The following ZYG11B variants were observed in gnomAD, a reference collection of about 807,000 sequenced individuals.
ZYG11B encodes protein zyg-11 homolog B.
ZYG11B carries 36 observed loss-of-function variants against 82.4 expected under a neutral mutation model. The observed-to-expected ratio is 0.44, with a 90% CI of 0.33 to 0.58. The LOEUF (loss-of-function observed/expected upper bound fraction) is 0.58. Among genes scored for constraint, ZYG11B ranks in the 20% least tolerant of loss-of-function variants. The pLI is 0.02. For synonymous variants in ZYG11B, 303 were observed against 312.8 expected, an observed-to-expected ratio of 0.97 and a Z score of 0.33; for missense variants, 552 against 895.6, an observed-to-expected ratio of 0.62 and a Z score of 4.90.
intron 1 of ZYG11B, among the ~76,000 whole-genome samples, 156 bp downstream of exon 1, chr1:52,726,839 GCTC>G (rs1366306270): frequency 1.3e-5 from 2 of 151,650 alleles, no homozygotes; most frequent in Non-Finnish European, 2.9e-5. Context: ...TCGGTGTTCA[GCTC>G]CTCCTTCCCC....
intron 8 of ZYG11B, among the ~76,000 whole-genome samples, chr1:52,797,385 C>CATATATATCATATATGAA (rs1238646824): frequency 3.7e-5 from 2 of 54,020 alleles, no homozygotes; most frequent in Non-Finnish European, 6.4e-5. Context: ...ATATATAATA[C>CATATATATCATATATGAA]ATATATATCA....
intron 13 of ZYG11B, among the ~76,000 whole-genome samples, chr1:52,819,161 G>T (rs1374440585): frequency 1.3e-5 from 2 of 152,120 alleles, no homozygotes; most frequent in African/African-American, 2.4e-5. Flanking sequence ...AGATAAAGAA[G>T]AATAATTCAA....
rs1407339133 is a variant in ZYG11B at position 52,796,909 on chromosome 1, TATTATATATTATATATA to T, written c.1485+145_1485+161del. ...TATATATAATATATAATTATATATA[TATTATATATTATATATA>T]ATTATATATTATATATAATGTATAA... On this transcript the variant is annotated intron_variant, in intron 8 of 13. Transcript: ENST00000294353. The T allele has an allele frequency of 5.4e-3, 576 of 106,286 alleles. 9 individuals carry two copies. The Middle Eastern group carries it at 0.065, about 12-fold the overall frequency. 6.6% of individuals were successfully genotyped at this position (106,286 alleles called of 1,614,324 possible).
At chr1:52,760,170 C>T (rs1475169255) in intron 2 of ZYG11B, among the ~76,000 whole-genome samples, 1 of 152,096 alleles carries the variant, frequency 6.6e-6, no homozygotes, top group African/African-American at 2.4e-5. Context: ...CAGCCAAGGG[C>T]AGTGATTCAC....
chr1:52,731,822 A>C (rs1357900788), intron 1 of ZYG11B, among the ~76,000 whole-genome samples: 1 of 152,196 alleles, frequency 6.6e-6, no homozygotes, highest in African/African-American at 2.4e-5. Context: ...TTTATTTTTG[A>C]GACAGGATCT....
At chr1:52,735,176 A>G (rs1277894280) in intron 1 of ZYG11B, among the ~76,000 whole-genome samples, 2 of 151,178 alleles carry the variant, frequency 1.3e-5, no homozygotes, top group Non-Finnish European at 2.9e-5. Context: ...GATTACAGGC[A>G]TGTGCCACCA....
intron 1 of ZYG11B, among the ~76,000 whole-genome samples, chr1:52,728,016 C>T (rs1352961620): frequency 6.6e-6 from 1 of 152,168 alleles, no homozygotes; most frequent in African/African-American, 2.4e-5. Flanking sequence ...CTCACTCCTG[C>T]ATTTTTAGTC....
intron 3 of ZYG11B, among the ~76,000 whole-genome samples, chr1:52,774,644 T>C (rs1258498501): frequency 1.3e-5 from 2 of 148,872 alleles, no homozygotes; most frequent in Non-Finnish European, 3.0e-5. Context: ...TTAGTGTTTT[T>C]GTAAAGATGG....
At chr1:52,803,263 T>C (rs185420799) in intron 10 of ZYG11B, among the ~76,000 whole-genome samples, 10,737 of 79,010 alleles carry the variant, frequency 0.14, 1,635 homozygotes, top group Admixed American at 0.21. Context: ...TATATATATA[T>C]ATACACACAC....
chr1:52,746,712 T>C (rs1175383719), intron 1 of ZYG11B, among the ~76,000 whole-genome samples: 1 of 134,788 alleles, frequency 7.4e-6, no homozygotes, highest in South Asian at 2.3e-4. Flanking sequence ...TTTTTTTTTT[T>C]TTGCGGCTGG....
chr1:52,821,088 T>TAA (rs753617042), intron 13 of ZYG11B, among the ~76,000 whole-genome samples: 7 of 122,150 alleles, frequency 5.7e-5, no homozygotes, highest in African/African-American at 1.5e-4. Context: ...AGACTCTGTC[T>TAA]AAAAAAAAAA....
chr1:52,741,199 A>G (rs1486822727), intron 1 of ZYG11B, among the ~76,000 whole-genome samples: 2 of 149,204 alleles, frequency 1.3e-5, no homozygotes, highest in South Asian at 2.1e-4. Context: ...TCGAGAGGCT[A>G]AGGCAGGAGT....
At chr1:52,809,012 T>C (rs983120946) in intron 10 of ZYG11B, among the ~76,000 whole-genome samples, 4 of 152,228 alleles carry the variant, frequency 2.6e-5, no homozygotes, top group Admixed American at 1.3e-4. Context: ...TAATAACTCT[T>C]TTAATATCCT....
At chr1:52,787,773 T>C (rs1364043762) in intron 5 of ZYG11B, among the ~76,000 whole-genome samples, 1 of 138,484 alleles carries the variant, frequency 7.2e-6, no homozygotes, top group Non-Finnish European at 1.5e-5. Flanking sequence ...TCTTATTTAG[T>C]AAAAACATTT....
At chr1:52,791,156 A>G (rs1413991974) in intron 6 of ZYG11B, among the ~76,000 whole-genome samples, 1 of 151,486 alleles carries the variant, frequency 6.6e-6, no homozygotes, top group Non-Finnish European at 1.5e-5. Flanking sequence ...ATTTTTTGGT[A>G]CAGACAGGGT....
rs57189955 is a variant in ZYG11B at position 52,756,815 on chromosome 1, C to CT, written c.196+210dup. ...TGTGTAATTTATAATAAACATTTTT[C>CT]TTTTTTTTTTTTTTTTTTCCTTGAC... On this transcript the variant is annotated intron_variant, in intron 2 of 13. Coordinates refer to ENST00000294353, the MANE Select transcript of ZYG11B (RefSeq NM_024646.3). Among the ~76,000 whole-genome samples the CT allele has an allele frequency of 2.5e-3, 336 of 132,540 alleles. 1 individual carries two copies. Among genetic ancestry groups the CT allele is most frequent in the African/African-American group, 4.1e-3 (144 of 35,524 alleles). The allele number at this position is 132,540 out of a possible 152,430, so 87.0% of individuals were successfully genotyped here.
chr1:52,758,818 G>C (rs914471712), intron 2 of ZYG11B, among the ~76,000 whole-genome samples: 112 of 152,190 alleles, frequency 7.4e-4, no homozygotes, highest in African/African-American at 2.6e-3. Flanking sequence ...GTAAATTTCT[G>C]TATTATATAT....
At chr1:52,794,601 TGA>T (rs1644992497) in intron 6 of ZYG11B, among the ~76,000 whole-genome samples, 1 of 152,190 alleles carries the variant, frequency 6.6e-6, no homozygotes, top group Non-Finnish European at 1.5e-5. Flanking sequence ...AGTGTGCAGA[TGA>T]CTGTGGATCT....
rs1339156392 is a variant in ZYG11B, at chr1:52,813,537, A to G, written c.1697A>G (p.Asn566Ser). The change falls in exon 11 of 14, where the codon AAC becomes AGC. Residue 566 changes from asparagine (N) to serine (S), a missense_variant and splice_region_variant. Asn to Ser is a conservative substitution (Grantham distance 46). Around this residue, in one of 3 missense-constraint regions of ZYG11B, gnomAD observed 66 missense variants for 176.4 expected, o/e 0.37. Coordinates refer to ENST00000294353, the MANE Select transcript of ZYG11B (RefSeq NM_024646.3). ...TTATATTTTCTTTTTTTTTTCCAGA[A>G]CAATATAGCTGAAGTACAAGAATTA... is the stretch of plus-strand genomic sequence containing the variant. ...SIQQKVLGLL[N>S]NIAEVQELHS... The G allele has an allele frequency of 6.2e-7, 1 of 1,606,206 alleles. No individual in the cohort carries two copies. The highest frequency in any genetic ancestry group is 1.1e-5 in the South Asian group (1 of 89,322).
Sources: allele counts gnomAD v4.1 joint callset (sites outside exome capture counted in the v4.1 genomes callset), GRCh38; gene constraint gnomAD v4.1.1; regional missense constraint gnomAD v4.1.1; transcripts MANE v1.5; gene names NCBI Gene and HGNC (gene_info 2026-07-23, HGNC 2026-07-21).